UBAC2: variants seen among roughly 807,000 people sequenced by gnomAD.
UBAC2 encodes UBA domain containing 2.
UBAC2 carries 26 observed loss-of-function variants against 44.0 expected under a neutral mutation model. The ratio of observed to expected loss-of-function variants is 0.59; its 90% confidence interval spans 0.43 to 0.82. The LOEUF (loss-of-function observed/expected upper bound fraction) is 0.82, where lower values mean the gene tolerates loss of function less well. Among genes scored for constraint, UBAC2 ranks in the 40% least tolerant of loss-of-function variants. The pLI, the probability that UBAC2 is intolerant of heterozygous loss-of-function variation, is 0.00. For missense variants in UBAC2, 329 were observed against 419.4 expected, an observed-to-expected ratio of 0.78 and a Z score of 1.88; for synonymous variants, 155 against 154.3, an observed-to-expected ratio of 1.00 and a Z score of -0.04.
rs75002535 is a variant in UBAC2, at chr13:99,341,737, G to A, written c.807+1172G>A. On this transcript the variant is annotated intron_variant, in intron 7 of 8. Transcript: ENST00000403766. ...AGATGAAGCCTCGTATTTAGCAGGA[G>A]GTAAATCCTTCAAGGAAACTGAGAG... 6.6e-3 allele frequency among the ~76,000 whole-genome samples: 1,010 copies of A among 152,248 alleles called. 11 individuals are homozygous for A. The highest frequency in any genetic ancestry group is 0.027 in the Middle Eastern group (8 of 294).
chr13:99,300,071 C>T (rs2044236092), intron 4 of UBAC2, among the ~76,000 whole-genome samples: 1 of 152,240 alleles, frequency 6.6e-6, no homozygotes, highest in African/African-American at 2.4e-5. Flanking sequence ...TATCATGGCA[C>T]ATGCGCAACA....
At chr13:99,252,582 A>T (rs1192883605) in intron 4 of UBAC2, among the ~76,000 whole-genome samples, 3 of 152,318 alleles carry the variant, frequency 2.0e-5, no homozygotes, top group African/African-American at 7.2e-5. Context: ...TAAAAGCCAT[A>T]TGTGTTAGGC....
chr13:99,219,008 CTT>C (rs1312336903), intron 1 of UBAC2, among the ~76,000 whole-genome samples: 1 of 152,158 alleles, frequency 6.6e-6, no homozygotes, highest in Non-Finnish European at 1.5e-5. Context: ...TGATGAAAAA[CTT>C]TATGAGAAAG....
Position 99,312,459 on chromosome 13 carries a change from T to C in UBAC2, c.390-1638T>C, listed in dbSNP as rs535208704. 3.3e-5 allele frequency among the ~76,000 whole-genome samples: 5 copies of C among 152,356 alleles called. No homozygotes were observed. In the South Asian group the frequency reaches 6.2e-4, roughly 19 times the overall value. Reference sequence around the variant, plus strand: ...ATTCATATTACCTGCCTAGCACTTGTAGGAATGTAAGATTTCCGTCCTGTG... The same window carrying C: ...ATTCATATTACCTGCCTAGCACTTGCAGGAATGTAAGATTTCCGTCCTGTG... On this transcript the variant is annotated intron_variant, in intron 4 of 8. Coordinates refer to ENST00000403766, the MANE Select transcript of UBAC2 (RefSeq NM_001144072.2).
At chr13:99,211,073 G>A (rs1430140621) in intron 1 of UBAC2, among the ~76,000 whole-genome samples, 4 of 152,132 alleles carry the variant, frequency 2.6e-5, no homozygotes, top group African/African-American at 7.2e-5. Context: ...CTTTTAGTAC[G>A]TACTGCCAAA....
At chr13:99,221,316 T>C (rs1039294487) in intron 1 of UBAC2, among the ~76,000 whole-genome samples, 8 of 152,236 alleles carry the variant, frequency 5.3e-5, no homozygotes, top group African/African-American at 1.9e-4. Context: ...TTACATTTAC[T>C]TTTGTTACAC....
At chr13:99,255,549 AG>A (rs773134509) in intron 4 of UBAC2, 7 of 1,614,094 alleles carry the variant, frequency 4.3e-6, no homozygotes, top group Non-Finnish European at 5.9e-6. Context: ...GAAGCCATAA[AG>A]CAATGCTTGG....
At chr13:99,335,648 C>T (rs1044753334) in intron 6 of UBAC2, among the ~76,000 whole-genome samples, 5 of 152,200 alleles carry the variant, frequency 3.3e-5, no homozygotes, top group African/African-American at 1.2e-4. Context: ...CATCAGTACA[C>T]GCACATGGAG....
chr13:99,209,960 G>A (rs999916263), intron 1 of UBAC2, among the ~76,000 whole-genome samples: 5 of 152,058 alleles, frequency 3.3e-5, no homozygotes, highest in African/African-American at 9.7e-5. Flanking sequence ...GCCTGGGTGC[G>A]AGACTGTCTC....
intron 4 of UBAC2, among the ~76,000 whole-genome samples, chr13:99,312,058 G>T (rs2044418564): frequency 6.6e-6 from 1 of 152,244 alleles, no homozygotes; most frequent in Non-Finnish European, 1.5e-5. Flanking sequence ...TCTAGCATTT[G>T]CTGCGTTTGT....
intron 1 of UBAC2, chr13:99,215,675 G>A: frequency 6.7e-7 from 1 of 1,487,420 alleles, no homozygotes; most frequent in African/African-American, 1.4e-5. Flanking sequence ...AGCCCTCTGG[G>A]AACTGCAAGC....
chr13:99,208,678 T>A (rs997138957), intron 1 of UBAC2, among the ~76,000 whole-genome samples: 8 of 152,234 alleles, frequency 5.3e-5, no homozygotes, highest in Non-Finnish European at 8.8e-5. Flanking sequence ...GTTCGGCTCC[T>A]CTCTGTCCCT....
chr13:99,242,631 G>T (rs1342475988), intron 2 of UBAC2, among the ~76,000 whole-genome samples: 19 of 109,678 alleles, frequency 1.7e-4, no homozygotes, highest in South Asian at 3.2e-4. Context: ...CCAGGCGGGG[G>T]GCTGACCCCC....
At chr13:99,363,669 G>A (rs2138885862) in intron 7 of UBAC2, among the ~76,000 whole-genome samples, 1 of 152,322 alleles carries the variant, frequency 6.6e-6, no homozygotes. Context: ...ACATACCATT[G>A]TCAGAACCTA....
rs146442598 is a variant in UBAC2, at chr13:99,333,677, T to C, written c.562-6643T>C. Among the ~76,000 whole-genome samples, 21 of 152,290 alleles carry C rather than the reference T, an allele frequency of 1.4e-4. No individual in the cohort carries two copies. The East Asian group carries it at 4.0e-3, about 29-fold the overall frequency. On this transcript the variant is annotated intron_variant, in intron 6 of 8. Transcript: ENST00000403766. ...GCCAGAATTTGCAGTCCTATTTTTG[T>C]TTATTACTGGGTGGGGTATCCATAT...
chr13:99,313,508 G>T (rs2044443111), intron 4 of UBAC2: 1 of 152,240 alleles, frequency 6.6e-6, no homozygotes, highest in Non-Finnish European at 1.5e-5. Flanking sequence ...CTTAGCCCAA[G>T]CTATAGAAAG....
intron 4 of UBAC2, among the ~76,000 whole-genome samples, chr13:99,301,048 G>A (rs1335767655): frequency 6.6e-6 from 1 of 152,174 alleles, no homozygotes; most frequent in African/African-American, 2.4e-5. Flanking sequence ...CTAGGGAAAA[G>A]CCCAAAGAAA....
intron 4 of UBAC2, among the ~76,000 whole-genome samples, chr13:99,246,839 A>G (rs1242441257): frequency 6.6e-6 from 1 of 152,236 alleles, no homozygotes; most frequent in Non-Finnish European, 1.5e-5. Flanking sequence ...TAATTCAGCC[A>G]TCTCCTGAAT....
intron 8 of UBAC2, among the ~76,000 whole-genome samples, chr13:99,370,732 C>G (rs72651010): frequency 6.6e-6 from 1 of 152,176 alleles, no homozygotes; most frequent in African/African-American, 2.4e-5. Flanking sequence ...GTCACGTGCC[C>G]ATTGACTTGA....
Sources: gnomAD v4.1 joint callset for allele counts (sites outside exome capture counted in the v4.1 genomes callset) on GRCh38, gnomAD v4.1.1 for gene constraint, MANE v1.5 for transcripts, NCBI Gene and HGNC (gene_info 2026-07-23, HGNC 2026-07-21) for gene names.